The following FAM227A variants were observed in gnomAD, a reference collection of about 807,000 sequenced individuals.
FAM227A encodes protein FAM227A.
Under a neutral mutation model 74.7 loss-of-function variants are expected in FAM227A, and 80 were observed. The ratio of observed to expected loss-of-function variants is 1.07; its 90% confidence interval spans 0.89 to 1.29. The LOEUF is 1.29. Ranked by LOEUF, FAM227A falls within the 50% of genes most tolerant of loss-of-function variation. The pLI is 0.00. For missense variants in FAM227A, 654 were observed against 683.4 expected (o/e 0.96, Z 0.48); for synonymous variants, 237 against 241.8 (o/e 0.98, Z 0.19).
In FAM227A at chr22:38,582,760, G is replaced by C. The variant is rs2090727161; in HGVS notation, c.*3365C>G. The C allele has an allele frequency of 6.9e-7, 1 of 1,451,060 alleles. No homozygotes were observed. Among genetic ancestry groups the C allele is most frequent in the African/African-American group, 1.4e-5 (1 of 71,118 alleles). The allele number at this position is 1,451,060 out of a possible 1,614,324, so 89.9% of individuals were successfully genotyped here. On this transcript the variant is annotated 3_prime_UTR_variant, in exon 17 of 17. Transcript: ENST00000535113. ...TGTATGGGGGCTAATAGTAGCGGTGGATAGGTAGACAGGCAATTCCAATCT... is the reference window on the plus strand; with the variant it reads ...TGTATGGGGGCTAATAGTAGCGGTGCATAGGTAGACAGGCAATTCCAATCT...
intron 6 of FAM227A, among the ~76,000 whole-genome samples, chr22:38,635,825 C>T (rs2091992244): frequency 6.6e-6 from 1 of 152,006 alleles, no homozygotes; most frequent in Non-Finnish European, 1.5e-5. Context: ...CCTAGCAAGA[C>T]CTCCTCTCTA....
At chr22:38,649,320 T>C (rs1477724621) in intron 2 of FAM227A, among the ~76,000 whole-genome samples, 1 of 152,116 alleles carries the variant, frequency 6.6e-6, no homozygotes, top group Non-Finnish European at 1.5e-5. Context: ...ATCCCAGCAC[T>C]TTGGGAGGTC....
At chr22:38,590,767 T>C (rs1416866333) in intron 16 of FAM227A, among the ~76,000 whole-genome samples, 1 of 152,180 alleles carries the variant, frequency 6.6e-6, no homozygotes, top group East Asian at 1.9e-4. Flanking sequence ...ATGAGAGTGG[T>C]GTGAGTAATA....
chr22:38,586,249 A>T, intron 16 of FAM227A, 50 bp from the exon 17 acceptor site: 3 of 1,542,316 alleles, frequency 1.9e-6, no homozygotes, highest in Non-Finnish European at 1.8e-6. Context: ...AAAAAATGTA[A>T]TTTCTTCAAA....
intron 13 of FAM227A, among the ~76,000 whole-genome samples, chr22:38,604,863 G>A (rs2091251730): frequency 6.6e-6 from 1 of 152,112 alleles, no homozygotes; most frequent in African/African-American, 2.4e-5. Context: ...ATGTTGGCCA[G>A]ACTGGTCTCA....
At chr22:38,615,068 A>G (rs545872888) in intron 11 of FAM227A, among the ~76,000 whole-genome samples, 62 of 152,336 alleles carry the variant, frequency 4.1e-4, no homozygotes, top group African/African-American at 1.4e-3. Flanking sequence ...AATGTTACCC[A>G]GGCTGGAGTG....
At chr22:38,596,613 A>G (rs2091049865) in intron 15 of FAM227A, among the ~76,000 whole-genome samples, 1 of 152,140 alleles carries the variant, frequency 6.6e-6, no homozygotes, top group African/African-American at 2.4e-5. Context: ...TAGAGAGAGA[A>G]AGCAAATGGG....
At chr22:38,628,811 G>T in intron 7 of FAM227A, 23 bp downstream of exon 7, 1 of 1,316,936 alleles carries the variant, frequency 7.6e-7, no homozygotes, top group Non-Finnish European at 1.1e-6. Flanking sequence ...GCAAGGCAGA[G>T]AAACAAGCAG....
chr22:38,642,379 C>A (rs1366386312), intron 3 of FAM227A, among the ~76,000 whole-genome samples: 1 of 152,094 alleles, frequency 6.6e-6, no homozygotes, highest in Non-Finnish European at 1.5e-5. Context: ...AAAATGAACT[C>A]AAAATGAATC....
intron 8 of FAM227A, among the ~76,000 whole-genome samples, chr22:38,626,955 G>C (rs1603004977): frequency 7.2e-6 from 1 of 138,730 alleles, no homozygotes; most frequent in South Asian, 2.3e-4. Context: ...AAATTAGCTA[G>C]GTGTGGTGGT....
chr22:38,618,884 A>C (rs1441056760), intron 11 of FAM227A, among the ~76,000 whole-genome samples: 1 of 152,150 alleles, frequency 6.6e-6, no homozygotes, highest in Non-Finnish European at 1.5e-5. Flanking sequence ...GTGTGCCAAT[A>C]AAGCTTTATT....
At chr22:38,611,172 C>G (rs2091405386) in intron 11 of FAM227A, among the ~76,000 whole-genome samples, 1 of 152,216 alleles carries the variant, frequency 6.6e-6, no homozygotes, top group Non-Finnish European at 1.5e-5. Flanking sequence ...TAAACCAAGA[C>G]TGTTCTGAGA....
chr22:38,582,792 G>C lies in FAM227A; in HGVS notation c.*3333C>G, dbSNP rs1195675244. On this transcript the variant is annotated 3_prime_UTR_variant, in exon 17 of 17. Coordinates refer to ENST00000535113, the MANE Select transcript of FAM227A (RefSeq NM_001013647.2). ...AGACAGGCAATTCCAATCTACTATGGTAACTGCTGCCATAATGGGATGGCA... is the reference window on the plus strand; with the variant it reads ...AGACAGGCAATTCCAATCTACTATGCTAACTGCTGCCATAATGGGATGGCA... The C allele has an allele frequency of 1.3e-6, 2 of 1,543,628 alleles. No homozygotes were observed. The highest frequency in any genetic ancestry group is 1.8e-6 in the Non-Finnish European group (2 of 1,142,546).
At chr22:38,632,135 A>G (rs143675404) in intron 6 of FAM227A, among the ~76,000 whole-genome samples, 2 of 152,114 alleles carry the variant, frequency 1.3e-5, no homozygotes, top group South Asian at 4.1e-4. Flanking sequence ...AGGGGCACTG[A>G]GGTTAGATAG....
In FAM227A at chr22:38,580,000, A is replaced by G. The variant is rs1279478462; in HGVS notation, c.*6125T>C. 1 of 151,470 alleles carries G rather than the reference A, an allele frequency of 6.6e-6. No homozygotes were observed. The allele number at this position is 151,470 out of a possible 1,614,324, so 9.4% of individuals were successfully genotyped here. A position where few individuals can be genotyped will look rare whatever the true frequency, so the allele number is the denominator to read the frequency against. Reference sequence around the variant, plus strand: ...CAGTGGCATGATCATAGCTCACTGCACCCTCCAACTCCCAGGCTTAAGCAA... The same window carrying G: ...CAGTGGCATGATCATAGCTCACTGCGCCCTCCAACTCCCAGGCTTAAGCAA... On this transcript the variant is annotated 3_prime_UTR_variant, in exon 17 of 17. Transcript: ENST00000535113.
chr22:38,613,356 T>C (rs1243360583), intron 11 of FAM227A, among the ~76,000 whole-genome samples: 3 of 70,140 alleles, frequency 4.3e-5, no homozygotes, highest in Admixed American at 4.4e-4. Flanking sequence ...TATTATATAA[T>C]ATATATCATA....
intron 2 of FAM227A, among the ~76,000 whole-genome samples, chr22:38,646,222 A>C (rs1476127230): frequency 6.8e-6 from 1 of 147,068 alleles, no homozygotes; most frequent in African/African-American, 2.5e-5. Flanking sequence ...CTCTGTTAGG[A>C]CTTGGGAATT....
chr22:38,628,380 C>A (rs1032412957), intron 7 of FAM227A, 38 bp from the exon 8 acceptor site: 6 of 1,342,706 alleles, frequency 4.5e-6, no homozygotes, highest in Non-Finnish European at 6.2e-6. Flanking sequence ...TTACTAAAGT[C>A]CCTTGCTGAA....
At chr22:38,613,038 AT>A (rs1434114412) in intron 11 of FAM227A, among the ~76,000 whole-genome samples, 6 of 120,038 alleles carry the variant, frequency 5.0e-5, no homozygotes, top group African/African-American at 1.9e-4. Flanking sequence ...AAAGAAATAT[AT>A]TTTTATATAT....
Sources: allele counts gnomAD v4.1 joint callset (sites outside exome capture counted in the v4.1 genomes callset), GRCh38; gene constraint gnomAD v4.1.1; transcripts MANE v1.5; gene names NCBI Gene and HGNC (gene_info 2026-07-23, HGNC 2026-07-21).